Variants in CPLX2 observed in about 807,000 individuals in gnomAD.
CPLX2 encodes complexin-2.
CPLX2 carries 5 observed loss-of-function variants against 16.3 expected under a neutral mutation model. The observed-to-expected ratio is 0.31, with a 90% CI of 0.16 to 0.64. The LOEUF is 0.64. Among genes scored for constraint, CPLX2 ranks in the 30% least tolerant of loss-of-function variants. The pLI is 0.79. For synonymous variants in CPLX2, 89 were observed against 73.2 expected (o/e 1.22, Z -1.10); for missense variants, 144 against 181.4 (o/e 0.79, Z 1.18).
chr5:175,818,650 CTTTTTTTTTTTTTTTTTT>C (rs70988300), intron 2 of CPLX2, among the ~76,000 whole-genome samples: 1 of 50,808 alleles, frequency 2.0e-5, no homozygotes, highest in Admixed American at 3.6e-4. Flanking sequence ...CTGTCCCAAC[CTTTTTTTTTTTTTTTTTT>C]TTTTTTTTTT....
chr5:175,836,148 A>T (rs943787206), intron 2 of CPLX2, among the ~76,000 whole-genome samples: 7 of 152,134 alleles, frequency 4.6e-5, no homozygotes, highest in Non-Finnish European at 8.8e-5. Context: ...CAGGAGATCG[A>T]AACCATCCTG....
At chr5:175,815,069 C>G (rs1347137395) in intron 2 of CPLX2, among the ~76,000 whole-genome samples, 2 of 152,162 alleles carry the variant, frequency 1.3e-5, no homozygotes, top group Non-Finnish European at 2.9e-5. Flanking sequence ...CCAGAAGGAT[C>G]CCAGGGAGTA....
chr5:175,851,811 G>A (rs1416100546), intron 2 of CPLX2, among the ~76,000 whole-genome samples: 1 of 152,222 alleles, frequency 6.6e-6, no homozygotes, highest in Non-Finnish European at 1.5e-5. Context: ...CCAGATGTGT[G>A]CATCTGGCAG....
At chr5:175,818,115 A>G (rs1326053258) in intron 2 of CPLX2, among the ~76,000 whole-genome samples, 2 of 152,158 alleles carry the variant, frequency 1.3e-5, no homozygotes, top group East Asian at 3.9e-4. Context: ...ATAACATGGA[A>G]ACCATTTGAG....
intron 2 of CPLX2, among the ~76,000 whole-genome samples, chr5:175,828,252 T>C (rs1001353808): frequency 1.3e-5 from 2 of 152,046 alleles, no homozygotes; most frequent in Non-Finnish European, 2.9e-5. Context: ...CCTGAGAAAG[T>C]GTGGTGGTCC....
At chr5:175,847,630 TAG>T (rs755480350) in intron 2 of CPLX2, among the ~76,000 whole-genome samples, 32 of 152,180 alleles carry the variant, frequency 2.1e-4, no homozygotes, top group Non-Finnish European at 4.0e-4. Context: ...AGGGCAGGAT[TAG>T]AGAGAACGGG....
intron 2 of CPLX2, among the ~76,000 whole-genome samples, chr5:175,859,778 C>G (rs991489385): frequency 7.9e-5 from 12 of 152,308 alleles, no homozygotes; most frequent in Middle Eastern, 6.8e-3. Flanking sequence ...TGTAGTAGGT[C>G]AAGATGCAGC....
chr5:175,824,718 C>G (rs147168885), intron 2 of CPLX2, among the ~76,000 whole-genome samples: 8 of 152,236 alleles, frequency 5.3e-5, no homozygotes, highest in African/African-American at 1.9e-4. Flanking sequence ...CTTGTTCTCA[C>G]ACAACAACTC....
chr5:175,815,490 C>T (rs1054085206), intron 2 of CPLX2, among the ~76,000 whole-genome samples: 8 of 152,144 alleles, frequency 5.3e-5, no homozygotes, highest in African/African-American at 1.7e-4. Context: ...CACACAGGCA[C>T]GGGGCCCCAG....
At chr5:175,823,092 G>A (rs958410413) in intron 2 of CPLX2, among the ~76,000 whole-genome samples, 2 of 152,246 alleles carry the variant, frequency 1.3e-5, no homozygotes, top group Non-Finnish European at 2.9e-5. Context: ...TGCTTCACCT[G>A]TGCTCTAGCA....
chr5:175,834,861 G>A (rs181818588), intron 2 of CPLX2, among the ~76,000 whole-genome samples: 25 of 152,304 alleles, frequency 1.6e-4, no homozygotes, highest in Admixed American at 4.6e-4. Context: ...GCGACAGAGC[G>A]AGATCCTGTC....
intron 2 of CPLX2, among the ~76,000 whole-genome samples, chr5:175,844,941 G>A (rs1759014335): frequency 6.6e-6 from 1 of 152,198 alleles, no homozygotes; most frequent in Admixed American, 6.5e-5. Flanking sequence ...CCTCTAGGGT[G>A]GATGGAAGAC....
intron 2 of CPLX2, among the ~76,000 whole-genome samples, chr5:175,860,438 AAGAGAAAGAAAGAG>A (rs376174919): frequency 0.011 from 1,381 of 130,246 alleles, 38 homozygotes; most frequent in African/African-American, 0.044. Context: ...GGAAGGAAGA[AAGAGAAAGAAAGAG>A]AGAGAAAGAA....
In CPLX2 at chr5:175,841,408, G is replaced by A. The variant is rs532517131; in HGVS notation, c.-89+32340G>A. Reference sequence around the variant, plus strand: ...GCACAAAGGTGCACCTGGGAGTCACGCTTGTGAAGAGGACATTACACACAG... The same window carrying A: ...GCACAAAGGTGCACCTGGGAGTCACACTTGTGAAGAGGACATTACACACAG... On this transcript the variant is annotated intron_variant, in intron 2 of 4. Transcript: ENST00000359546. Among the ~76,000 whole-genome samples, 339 of 151,058 alleles carry A rather than the reference G, an allele frequency of 2.2e-3. 5 individuals are homozygous for A. Among genetic ancestry groups the A allele is most frequent in the Admixed American group, 0.019 (283 of 15,188 alleles).
intron 2 of CPLX2, among the ~76,000 whole-genome samples, chr5:175,820,784 C>T (rs1033393012): frequency 7.9e-5 from 12 of 152,200 alleles, no homozygotes; most frequent in African/African-American, 2.9e-4. Flanking sequence ...CAGCTCCCTC[C>T]CTTCATGGAG....
intron 1 of CPLX2, chr5:175,878,104 G>C (rs1015040489): frequency 7.9e-5 from 12 of 152,518 alleles, no homozygotes; most frequent in Non-Finnish European, 1.3e-4. Flanking sequence ...GTTTATCCAA[G>C]CTGGCTGTTC....
Position 175,809,570 on chromosome 5 carries a change from T to C in CPLX2, c.-89+502T>C, listed in dbSNP as rs1015410093. ...GCTCTCTTGTCACTGTCAGATCCTGTGCTTTTTCTGCTGAGCCACGGCTTC... is the reference window on the plus strand; with the variant it reads ...GCTCTCTTGTCACTGTCAGATCCTGCGCTTTTTCTGCTGAGCCACGGCTTC... On this transcript the variant is annotated intron_variant, in intron 2 of 4. Coordinates refer to the CPLX2 transcript ENST00000359546. This position sits in a 1 kb window ranked among gnomAD's most constrained non-coding sequence, Gnocchi z 4.4. Among the ~76,000 whole-genome samples the C allele has an allele frequency of 6.6e-6, 1 of 152,154 alleles. No individual in the cohort carries two copies. The highest frequency in any genetic ancestry group is 1.5e-5 in the Non-Finnish European group (1 of 68,014).
intron 2 of CPLX2, among the ~76,000 whole-genome samples, chr5:175,848,918 A>C (rs1759100204): frequency 1.3e-5 from 2 of 152,230 alleles, no homozygotes; most frequent in Non-Finnish European, 2.9e-5. Context: ...TGGCTGAAGC[A>C]GAGTGAGCCG....
At chr5:175,859,406 G>A (rs1428856236) in intron 2 of CPLX2, among the ~76,000 whole-genome samples, 10 of 152,178 alleles carry the variant, frequency 6.6e-5, no homozygotes, top group South Asian at 6.2e-4. Context: ...AAGAGATATC[G>A]AGAAGATCTG....
Sources: gnomAD v4.1 joint callset for allele counts (sites outside exome capture counted in the v4.1 genomes callset) on GRCh38, gnomAD v4.1.1 for gene constraint, Gnocchi (gnomAD v3.1) non-coding constraint, MANE v1.5 for transcripts, NCBI Gene and HGNC (gene_info 2026-07-23, HGNC 2026-07-21) for gene names.